The following MACF1 variants were observed in gnomAD, a reference collection of about 807,000 sequenced individuals.
MACF1 encodes the protein microtubule-actin cross-linking factor 1.
MACF1 carries 193 observed loss-of-function variants against 854.8 expected under a neutral mutation model. The ratio of observed to expected loss-of-function variants is 0.23; its 90% CI spans 0.20 to 0.25. MACF1 has a LOEUF of 0.25. MACF1 is among the 10% of genes least tolerant of loss of function. The probability of loss-of-function intolerance (pLI) is 1.00; values close to 1 mark genes in which losing one functional copy is unlikely to be tolerated. For missense variants in MACF1, 7,722 were observed against 8,929.1 expected (o/e 0.86, Z 5.45); for synonymous variants, 3,185 against 3,226.7 (o/e 0.99, Z 0.44).
chr1:39,182,427 A>G (rs1644116633), intron 2 of MACF1, among the ~76,000 whole-genome samples: 1 of 151,980 alleles, frequency 6.6e-6, no homozygotes, highest in Non-Finnish European at 1.5e-5. Context: ...GACACCTCAC[A>G]GAATGGGAGA....
At position 39,347,111 on chromosome 1, in the gene MACF1, A is replaced by G. The variant is rs1647069098; in HGVS notation, c.10716A>G (p.Glu3572=). 1 of 1,614,060 alleles carries G rather than the reference A, an allele frequency of 6.2e-7. No homozygotes were observed. The highest frequency in any genetic ancestry group is 2.2e-5 in the East Asian group (1 of 44,880). ...QNRQMLRLLN[E]LQRSFQDILE... ...GACAGATGCTGAGGCTTCTGAATGA[A>G]CTGCAGAGGTCCTTCCAGGACATTT... The change falls in exon 41 of 101, where the codon GAA becomes GAG. Residue 3572 remains glutamate (E), a synonymous_variant. Coordinates refer to ENST00000564288, the MANE Select transcript of MACF1 (RefSeq NM_001394062.1).
intron 58 of MACF1, among the ~76,000 whole-genome samples, chr1:39,403,549 A>G (rs537975791): frequency 1.3e-5 from 2 of 152,296 alleles, no homozygotes; most frequent in Admixed American, 6.5e-5. Context: ...TTGTTTTATA[A>G]TAAGTACTAC....
chr1:39,181,111 T>G (rs1644099560), intron 2 of MACF1, among the ~76,000 whole-genome samples: 1 of 152,330 alleles, frequency 6.6e-6, no homozygotes. Flanking sequence ...TTTTGCCACG[T>G]TGTCCAGGCT....
chr1:39,298,526 A>G (rs996285785), intron 21 of MACF1: 1 of 329,408 alleles, frequency 3.0e-6, no homozygotes, highest in Admixed American at 4.0e-5. Context: ...TGTGAGAAGT[A>G]AGGGGAATCT....
Position 39,435,813 on chromosome 1 carries a change from A to G in MACF1, c.17988+52A>G, listed in dbSNP as rs756213119. 31 of 1,536,214 alleles carry G rather than the reference A, an allele frequency of 2.0e-5. No homozygotes were observed. The Admixed American group carries it at 4.6e-4, about 23-fold the overall frequency. On this transcript the variant is annotated intron_variant, in intron 70 of 100. Transcript: ENST00000564288. ...CTTGAATTGTCTACTGTTCTAAACAAGAGGTCTCTGTATCAGGTATGTCTC... is the reference window on the plus strand; with the variant it reads ...CTTGAATTGTCTACTGTTCTAAACAGGAGGTCTCTGTATCAGGTATGTCTC...
chr1:39,234,557 A>C (rs1469070533), intron 2 of MACF1, among the ~76,000 whole-genome samples: 2 of 66,604 alleles, frequency 3.0e-5, no homozygotes, highest in Non-Finnish European at 6.2e-5. Context: ...TGACCCCCCC[A>C]CCTCCCTCCC....
chr1:39,274,431 G>A (rs1645393379), intron 6 of MACF1, among the ~76,000 whole-genome samples: 1 of 152,058 alleles, frequency 6.6e-6, no homozygotes, highest in African/African-American at 2.4e-5. Flanking sequence ...CATCTGTAAT[G>A]AACATGTACA....
Position 39,319,681 on chromosome 1 carries a change from T to G in MACF1, c.3963T>G (p.Ile1321Met), listed in dbSNP as rs116588275. Residue 1321 changes from isoleucine to methionine, a missense_variant, in exon 31 of 101, where the codon ATT becomes ATG. This residue lies in a region of MACF1 where 1,137 missense variants were observed against 1,263.0 expected (regional missense o/e 0.90). Transcript: ENST00000564288. ...CTTCCTAGGCCCTATTTGCAGAAAT[T>G]GAGAGAAATCAGACAAAACTGGATC... ...LSQQTALFAEIERNQTKLDQC... is the reference protein window; with the variant it reads ...LSQQTALFAEMERNQTKLDQC... The G allele has an allele frequency of 3.7e-6, 6 of 1,613,452 alleles. No homozygotes were observed. The highest frequency in any genetic ancestry group is 4.2e-6 in the Non-Finnish European group (5 of 1,179,640).
chr1:39,334,433 G>A lies in MACF1; in HGVS notation c.7845G>A (p.Met2615Ile), dbSNP rs777954340. 8.7e-6 allele frequency: 14 copies of A among 1,613,918 alleles called. No individual in the cohort carries two copies. In the Admixed American group the frequency reaches 1.7e-4, roughly 19 times the overall value. ...AAGCAGTATTGTCTCCAGGAATGAT[G>A]CATGGCATTGTAGATCCCGAGAACT... ...TNEAVLSPGM[M>I]HGIVDPENCR... The change falls in exon 37 of 101, where the codon ATG becomes ATA. Residue 2615 changes from methionine (M) to isoleucine (I), a missense_variant. Transcript: ENST00000564288.
intron 41 of MACF1, among the ~76,000 whole-genome samples, chr1:39,348,686 T>C (rs777220224): frequency 3.3e-5 from 5 of 152,162 alleles, no homozygotes; most frequent in Non-Finnish European, 7.3e-5. Context: ...AGGTAGAAAC[T>C]GGTGGAAAAT....
intron 6 of MACF1, among the ~76,000 whole-genome samples, chr1:39,275,203 C>T (rs1009625718): frequency 7.2e-5 from 11 of 151,882 alleles, no homozygotes; most frequent in Admixed American, 1.3e-4. Context: ...CTCAGCCTCC[C>T]GAGTAGCTGG....
intron 6 of MACF1, among the ~76,000 whole-genome samples, chr1:39,259,485 C>T (rs1398692628): frequency 6.6e-6 from 1 of 152,232 alleles, no homozygotes; most frequent in Non-Finnish European, 1.5e-5. Context: ...TAGTCTCGAA[C>T]TCCTGCTCTC....
chr1:39,432,451 G>C, intron 66 of MACF1, 84 bp from the exon 67 acceptor site: 1 of 1,245,578 alleles, frequency 8.0e-7, no homozygotes, highest in Non-Finnish European at 1.1e-6. Flanking sequence ...TGAAAATCCA[G>C]GCCTTGCTTT....
In MACF1 at chr1:39,387,470, G is replaced by A. The variant is rs1486088241; in HGVS notation, c.14628G>A (p.Gln4876=). The part of the protein sequence containing the change: ...PGEEKRTLQN[Q]LVELKNHWEE... ...AAGAGAAAAGGACTCTACAAAACCA[G>A]TTGGTTGAGCTCAAAAACCATTGGG... The change falls in exon 58 of 101, where the codon CAG becomes CAA. Residue 4876 remains glutamine (Q), a synonymous_variant. Transcript: ENST00000564288. The A allele has an allele frequency of 1.2e-6, 2 of 1,614,100 alleles. No homozygotes were observed.
At chr1:39,139,692 T>G (rs143111227) in intron 2 of MACF1, among the ~76,000 whole-genome samples, 18 of 152,342 alleles carry the variant, frequency 1.2e-4, no homozygotes, top group African/African-American at 3.6e-4. Context: ...TTACTTTTTG[T>G]GGATCCTTCC....
intron 89 of MACF1, chr1:39,456,597 A>G (rs1201655728): frequency 6.6e-6 from 1 of 152,054 alleles, no homozygotes; most frequent in Non-Finnish European, 1.5e-5. Context: ...TGTGGGATGT[A>G]CCTCCTCTCT....
chr1:39,133,242 TGCTAACAAGCA>T (rs1335375144), intron 2 of MACF1, among the ~76,000 whole-genome samples: 1 of 152,154 alleles, frequency 6.6e-6, no homozygotes, highest in Admixed American at 6.5e-5. Flanking sequence ...GGGAGCTGGT[TGCTAACAAGCA>T]GCGCCGCCTG....
intron 2 of MACF1, among the ~76,000 whole-genome samples, chr1:39,189,033 C>T (rs914973071): frequency 2.2e-4 from 34 of 152,348 alleles, no homozygotes; most frequent in Admixed American, 3.3e-4. Context: ...CCATCATGCC[C>T]GGCCCATTGT....
intron 18 of MACF1, among the ~76,000 whole-genome samples, chr1:39,294,501 T>C (rs552656293): frequency 6.6e-6 from 1 of 152,316 alleles, no homozygotes; most frequent in East Asian, 1.9e-4. Context: ...GAAGATTGGA[T>C]ACTATAATAC....
Sources: allele counts gnomAD v4.1 joint callset (sites outside exome capture counted in the v4.1 genomes callset), GRCh38; gene constraint gnomAD v4.1.1; regional missense constraint gnomAD v4.1.1; transcripts MANE v1.5; gene names NCBI Gene and HGNC (gene_info 2026-07-23, HGNC 2026-07-21).